AGL: variants seen among roughly 807,000 people sequenced by gnomAD.
AGL encodes the protein glycogen debranching enzyme.
In AGL, 128 loss-of-function variants were observed where a neutral mutation model predicts 199.3. The ratio of observed to expected loss-of-function variants is 0.64; its 90% confidence interval spans 0.56 to 0.74. The LOEUF is 0.74. AGL is among the 30% of genes least tolerant of loss of function. AGL has a pLI of 0.00. For synonymous variants in AGL, 584 were observed against 594.7 expected (o/e 0.98, Z 0.26); for missense variants, 1,809 against 1,820.8 (o/e 0.99, Z 0.12).
At chr1:99,874,357 T>TA (rs1214752345) in intron 7 of AGL, 3 of 152,808 alleles carry the variant, frequency 2.0e-5, no homozygotes, top group Non-Finnish European at 2.9e-5. Context: ...TATAAAAAAA[T>TA]AAAAAAAGAA....
In AGL at chr1:99,876,055, A is replaced by G. The variant is rs2814040; in HGVS notation, c.1284-403A>G. 6.5e-3 allele frequency among the ~76,000 whole-genome samples: 981 copies of G among 152,032 alleles called. 11 individuals carry two copies. The highest frequency in any genetic ancestry group is 0.023 in the African/African-American group (946 of 41,448). ...ATGCCCAGCTAATTTTTGTAGTTTT[A>G]GTAGAGACGGGGTTTCCCCATGTTG... On this transcript the variant is annotated intron_variant, in intron 10 of 33. Transcript: ENST00000361915.
chr1:99,882,529 A>G (rs1224758585), intron 17 of AGL, among the ~76,000 whole-genome samples: 1 of 152,150 alleles, frequency 6.6e-6, no homozygotes, highest in Admixed American at 6.5e-5. Context: ...CCCAAATACT[A>G]TGCGAATTGT....
At chr1:99,858,143 T>C (rs1299479498) in intron 2 of AGL, among the ~76,000 whole-genome samples, 2 of 152,092 alleles carry the variant, frequency 1.3e-5, no homozygotes, top group South Asian at 2.1e-4. Context: ...ACAGTCTCTA[T>C]ATTACTTTGT....
At chr1:99,883,248 ACCTGTTG>A (rs1320458870) in intron 17 of AGL, among the ~76,000 whole-genome samples, 1 of 151,770 alleles carries the variant, frequency 6.6e-6, no homozygotes, top group Admixed American at 6.6e-5. Context: ...AGGTTCTGTT[ACCTGTTG>A]CCAGATTAAT....
In AGL at chr1:99,880,718, T is replaced by G. The variant is rs1032852905; in HGVS notation, c.1822T>G (p.Cys608Gly). ...ACCTGTTGGATCCTTTGTTCAGCCC[T>G]GTTTGAGGCCTTTAATGCCAGCTAT... ...GEPVGSFVQP[C>G]LRPLMPAIAH... The change falls in exon 14 of 34, where the codon TGT (cysteine) becomes GGT (glycine). Residue 608 changes from cysteine to glycine, a missense_variant. Transcript: ENST00000361915. The G allele has an allele frequency of 6.2e-7, 1 of 1,613,960 alleles. No individual in the cohort carries two copies. Among genetic ancestry groups the G allele is most frequent in the Non-Finnish European group, 8.5e-7 (1 of 1,179,948 alleles).
At position 99,880,776 on chromosome 1, in the gene AGL, A is replaced by T; in HGVS notation, c.1880A>T (p.Asp627Val). 6.2e-7 allele frequency: 1 copy of T among 1,613,998 alleles called. No individual in the cohort carries two copies. Residue 627 changes from aspartate (D) to valine (V), a missense_variant, in exon 14 of 34, where the codon GAT (aspartate) becomes GTT (valine). Asp to Val is a radical substitution (Grantham distance 152, BLOSUM62 -3). Coordinates refer to ENST00000361915, the MANE Select transcript of AGL (RefSeq NM_000642.3). ...AHALFMDITH[D>V]NECPIVHRSA... ...GCCCTGTTTATGGATATTACGCATG[A>T]TAATGAGTGTCCTATTGTGGTAAGC...
chr1:99,880,845 T>A (rs1246158322), intron 14 of AGL, 50 bp downstream of exon 14: 1 of 1,592,228 alleles, frequency 6.3e-7, no homozygotes, highest in Non-Finnish European at 8.6e-7. Context: ...TGCTTTGATA[T>A]TTAACTCTCT....
intron 13 of AGL, 142 bp downstream of exon 13, chr1:99,880,188 A>G: frequency 7.7e-7 from 1 of 1,295,446 alleles, no homozygotes; most frequent in Admixed American, 2.0e-5. Context: ...GACATATTCT[A>G]ATATAACTCA....
intron 2 of AGL, among the ~76,000 whole-genome samples, chr1:99,854,007 A>C (rs963076801): frequency 2.0e-5 from 3 of 152,124 alleles, no homozygotes; most frequent in Non-Finnish European, 4.4e-5. Flanking sequence ...CAGCCTGATC[A>C]ACATGGTGAA....
At chr1:99,898,597 T>C (rs1372480696) in intron 25 of AGL, among the ~76,000 whole-genome samples, 1 of 152,130 alleles carries the variant, frequency 6.6e-6, no homozygotes, top group Non-Finnish European at 1.5e-5. Context: ...AAATAAAATT[T>C]ATTTCTTGCT....
Position 99,861,510 on chromosome 1 carries a change from G to A in AGL, c.90G>A (p.Glu30=), listed in dbSNP as rs1485709719. The change falls in exon 3 of 34, where the codon GAG becomes GAA. Residue 30 remains glutamate (E), a synonymous_variant. Transcript: ENST00000361915. Reference sequence around the variant, plus strand: ...CATGTGCTTTTTATTTAGGGTATGAGCTACAGTTCCGATTAGGCCCAACTT... The same window carrying A: ...CATGTGCTTTTTATTTAGGGTATGAACTACAGTTCCGATTAGGCCCAACTT... ...KTLFRLEQGY[E]LQFRLGPTLQ... 1 of 1,613,772 alleles carries A rather than the reference G, an allele frequency of 6.2e-7. No homozygotes were observed. The highest frequency in any genetic ancestry group is 8.5e-7 in the Non-Finnish European group (1 of 1,179,866).
chr1:99,916,400 C>A lies in AGL; in HGVS notation c.4260-10C>A. 1.9e-6 allele frequency: 3 copies of A among 1,586,686 alleles called. No individual in the cohort carries two copies. Among genetic ancestry groups the A allele is most frequent in the Non-Finnish European group, 2.6e-6 (3 of 1,158,802 alleles). On this transcript the variant is annotated splice_polypyrimidine_tract_variant and intron_variant, in intron 31 of 33. Transcript: ENST00000361915. ...TCTTTTATTTAACTTAAATTTCAAT[C>A]ATTTTGCAGTGATATGGTTTACTGT... is the stretch of plus-strand genomic sequence containing the variant.
intron 2 of AGL, among the ~76,000 whole-genome samples, chr1:99,856,092 A>C (rs1341735840): frequency 1.3e-5 from 2 of 152,202 alleles, no homozygotes; most frequent in African/African-American, 4.8e-5. Flanking sequence ...TAAGATAGCC[A>C]CACCATGTAC....
Position 99,912,508 on chromosome 1 carries a change from A to G in AGL, c.3940A>G (p.Lys1314Glu), listed in dbSNP as rs1377614469. The G allele has an allele frequency of 6.2e-7, 1 of 1,608,192 alleles. No individual in the cohort carries two copies. Among genetic ancestry groups the G allele is most frequent in the Admixed American group, 1.7e-5 (1 of 59,956 alleles). ...TTTCCCTTATCATGAAGTCACAGTAAAAAGACATGGTAAGCTGGTTATTTT... is the reference window on the plus strand; with the variant it reads ...TTTCCCTTATCATGAAGTCACAGTAGAAAGACATGGTAAGCTGGTTATTTT... ...NIFPYHEVTVKRHGKAIKVSY... is the reference protein window; with the variant it reads ...NIFPYHEVTVERHGKAIKVSY... Residue 1314 changes from lysine to glutamate, a missense_variant, in exon 29 of 34, where the codon AAA becomes GAA. Physicochemically the swap from Lys to Glu is moderately conservative, Grantham distance 56. Transcript: ENST00000361915.
intron 31 of AGL, 27 bp from the exon 32 acceptor site, chr1:99,916,383 T>C (rs1655114573): frequency 1.3e-6 from 2 of 1,525,216 alleles, no homozygotes; most frequent in African/African-American, 2.8e-5. Flanking sequence ...CATCTTTTAT[T>C]TAACTTAAAT....
chr1:99,864,594 G>T lies in AGL; in HGVS notation c.664+5G>T. ...ATGTTGTCTACAATCATACTGGTAT[G>T]AGCTTCATTGACTGCCTTCATTAAT... On this transcript the variant is annotated splice_donor_5th_base_variant and intron_variant, in intron 5 of 33. Coordinates refer to ENST00000361915, the MANE Select transcript of AGL (RefSeq NM_000642.3). 6.2e-7 allele frequency: 1 copy of T among 1,610,018 alleles called. No homozygotes were observed. Among genetic ancestry groups the T allele is most frequent in the South Asian group, 1.1e-5 (1 of 90,862 alleles).
At chr1:99,874,230 G>A (rs1426272540) in intron 7 of AGL, among the ~76,000 whole-genome samples, 3 of 142,144 alleles carry the variant, frequency 2.1e-5, no homozygotes, top group East Asian at 2.0e-4. Flanking sequence ...GGAGGAAAAC[G>A]GGTTCCACTA....
rs1272589048 is a variant in AGL at position 99,870,785 on chromosome 1, A to C, written c.874A>C (p.Ile292Leu). 6.2e-7 allele frequency: 1 copy of C among 1,610,012 alleles called. No homozygotes were observed. The highest frequency in any genetic ancestry group is 8.5e-7 in the Non-Finnish European group (1 of 1,176,620). ...NSIRKIIWED[I>L]FPKLKLWEFF... is the part of the protein sequence containing the mutation. ...CATCCGAAAAATAATTTGGGAGGAT[A>C]TTTTTCCAAAGCTTAAACTCTGGGA... is the stretch of plus-strand genomic sequence containing the variant. Residue 292 changes from isoleucine to leucine, a missense_variant, in exon 7 of 34, where the codon ATT becomes CTT. By Grantham distance (5) the Ile-to-Leu change is conservative. Coordinates refer to ENST00000361915, the MANE Select transcript of AGL (RefSeq NM_000642.3).
At chr1:99,853,975 A>G (rs1265914107) in intron 2 of AGL, among the ~76,000 whole-genome samples, 1 of 152,098 alleles carries the variant, frequency 6.6e-6, no homozygotes, top group Non-Finnish European at 1.5e-5. Flanking sequence ...GGGTCACCCC[A>G]GGTCAGGATT....
Sources: gnomAD v4.1 joint callset for allele counts (sites outside exome capture counted in the v4.1 genomes callset) on GRCh38, gnomAD v4.1.1 for gene constraint, MANE v1.5 for transcripts, NCBI Gene and HGNC (gene_info 2026-07-23, HGNC 2026-07-21) for gene names.